The following TEX36 variants were observed in gnomAD, a reference collection of about 807,000 sequenced individuals.
The protein encoded by TEX36 is testis-expressed protein 36.
In TEX36, 12 loss-of-function variants were observed where a neutral mutation model predicts 13.6. The observed-to-expected ratio is 0.88, with a 90% confidence interval of 0.56 to 1.43. The LOEUF is 1.43. TEX36 is among the 40% of genes most tolerant of loss of function. TEX36 has a pLI of 0.00. For synonymous variants in TEX36, 93 were observed against 83.0 expected (o/e 1.12, Z -0.65); for missense variants, 224 against 228.3 (o/e 0.98, Z 0.12).
At chr10:125,626,208 C>T (rs771181459) in intron 3 of TEX36, among the ~76,000 whole-genome samples, 3 of 152,212 alleles carry the variant, frequency 2.0e-5, no homozygotes, top group Admixed American at 6.5e-5. Flanking sequence ...TTCGGTCCCA[C>T]GAGCCCTCCC....
At chr10:125,614,322 T>G (rs1175398556) in intron 3 of TEX36, among the ~76,000 whole-genome samples, 2 of 152,232 alleles carry the variant, frequency 1.3e-5, no homozygotes, top group Non-Finnish European at 2.9e-5. Context: ...TTTGTTGCCA[T>G]TGCTTTTGGT....
chr10:125,670,901 A>C (rs1350022524), intron 1 of TEX36, among the ~76,000 whole-genome samples: 1 of 151,834 alleles, frequency 6.6e-6, no homozygotes, highest in Non-Finnish European at 1.5e-5. Context: ...GTTGTAGATG[A>C]GCAGTCTTAT....
intron 3 of TEX36, among the ~76,000 whole-genome samples, chr10:125,604,405 G>A (rs1846189711): frequency 6.6e-6 from 1 of 152,196 alleles, no homozygotes; most frequent in African/African-American, 2.4e-5. Flanking sequence ...CCTGGGCACG[G>A]TGGCTCATGC....
intron 3 of TEX36, among the ~76,000 whole-genome samples, chr10:125,614,354 C>A (rs1046861037): frequency 6.6e-6 from 1 of 152,114 alleles, no homozygotes; most frequent in Admixed American, 6.5e-5. Context: ...GAAGTCCTTG[C>A]CCATGCCTAT....
chr10:125,649,348 T>C (rs1221211919), intron 3 of TEX36, among the ~76,000 whole-genome samples: 1 of 152,200 alleles, frequency 6.6e-6, no homozygotes, highest in East Asian at 1.9e-4. Flanking sequence ...GGGGGGCCAA[T>C]ATTCAACATT....
intron 3 of TEX36, chr10:125,576,994 G>C: frequency 7.5e-7 from 1 of 1,329,212 alleles, no homozygotes; most frequent in Non-Finnish European, 1.0e-6. Flanking sequence ...AAACACCCCA[G>C]AGAAGGATTT....
chr10:125,676,583 T>C (rs1052734396), intron 1 of TEX36, among the ~76,000 whole-genome samples: 5 of 152,340 alleles, frequency 3.3e-5, no homozygotes, highest in Admixed American at 3.3e-4. Context: ...AGCCATTCTG[T>C]ATCTTGTAAA....
chr10:125,612,641 T>C (rs1441239606), intron 3 of TEX36, among the ~76,000 whole-genome samples: 1 of 152,182 alleles, frequency 6.6e-6, no homozygotes, highest in Admixed American at 6.5e-5. Flanking sequence ...ACTGTCCTCT[T>C]CTTACCTGCA....
chr10:125,597,219 AC>A (rs1805485866), intron 3 of TEX36, among the ~76,000 whole-genome samples: 1 of 152,076 alleles, frequency 6.6e-6, no homozygotes. Context: ...TGAGGCTTGG[AC>A]TTCACATCAA....
chr10:125,678,942 C>T (rs1382550843), intron 1 of TEX36, among the ~76,000 whole-genome samples: 3 of 152,150 alleles, frequency 2.0e-5, no homozygotes, highest in Non-Finnish European at 4.4e-5. Context: ...AGGTGGAGTG[C>T]TCAGCTGAGA....
intron 1 of TEX36, among the ~76,000 whole-genome samples, chr10:125,670,012 T>C (rs1224088724): frequency 6.6e-6 from 1 of 152,250 alleles, no homozygotes; most frequent in Non-Finnish European, 1.5e-5. Context: ...GATGTTTGGG[T>C]TGACTCCATG....
At chr10:125,652,013 A>G (rs1285005444), downstream of TEX36, among the ~76,000 whole-genome samples, 1 of 152,232 alleles carries the variant, frequency 6.6e-6, no homozygotes, top group Non-Finnish European at 1.5e-5. Flanking sequence ...AAATGGAAGA[A>G]CATTCCATGC....
downstream of TEX36, among the ~76,000 whole-genome samples, chr10:125,651,645 A>G (rs527881329): frequency 3.2e-4 from 49 of 152,218 alleles, no homozygotes; most frequent in African/African-American, 1.2e-3. Flanking sequence ...AGTTCTGGCC[A>G]GGGCAATCGG....
chr10:125,645,200 G>T (rs1846750292), intron 3 of TEX36, among the ~76,000 whole-genome samples: 1 of 152,178 alleles, frequency 6.6e-6, no homozygotes, highest in African/African-American at 2.4e-5. Flanking sequence ...TAAATTTGTA[G>T]TCACTTGTTA....
intron 3 of TEX36, among the ~76,000 whole-genome samples, chr10:125,602,382 A>T (rs1330370722): frequency 2.0e-5 from 3 of 152,116 alleles, no homozygotes; most frequent in Non-Finnish European, 2.9e-5. Flanking sequence ...AGCTCTCATC[A>T]CATCCCTCTA....
Position 125,665,804 on chromosome 10 carries a change from C to G in TEX36, c.52-3827G>C, listed in dbSNP as rs1405687000. Among the ~76,000 whole-genome samples the G allele has an allele frequency of 2.0e-5, 3 of 152,160 alleles. No homozygotes were observed. The East Asian group carries it at 5.8e-4, about 29-fold the overall frequency. ...TGTAGATTGCTTTAAGCAATATGGTCATTTTAATGATGTATTCCGACGCAG... is the reference window on the plus strand; with the variant it reads ...TGTAGATTGCTTTAAGCAATATGGTGATTTTAATGATGTATTCCGACGCAG... On this transcript the variant is annotated intron_variant, in intron 1 of 3. Coordinates refer to ENST00000368821, the MANE Select transcript of TEX36 (RefSeq NM_001128202.3).
At chr10:125,595,835 T>C (rs1486649660) in intron 3 of TEX36, among the ~76,000 whole-genome samples, 1 of 152,200 alleles carries the variant, frequency 6.6e-6, no homozygotes, top group African/African-American at 2.4e-5. Context: ...TAGCATTACC[T>C]AGTTATTGTC....
chr10:125,633,868 A>G (rs1382154108), intron 3 of TEX36, among the ~76,000 whole-genome samples: 4 of 152,140 alleles, frequency 2.6e-5, no homozygotes, highest in Non-Finnish European at 5.9e-5. Context: ...GTAAAAGCAG[A>G]CGCCTGGCGA....
At chr10:125,586,797 A>G (rs1248203603) in intron 3 of TEX36, among the ~76,000 whole-genome samples, 1 of 151,696 alleles carries the variant, frequency 6.6e-6, no homozygotes, top group Non-Finnish European at 1.5e-5. Context: ...TCTAAAAAAA[A>G]AGAAGAAAAA....
Sources: allele counts gnomAD v4.1 joint callset (sites outside exome capture counted in the v4.1 genomes callset), GRCh38; gene constraint gnomAD v4.1.1; transcripts MANE v1.5; gene names NCBI Gene and HGNC (gene_info 2026-07-23, HGNC 2026-07-21).